SGPL1: variants seen among roughly 807,000 people sequenced by gnomAD.
The protein encoded by SGPL1 is SP-lyase 1.
SGPL1 carries 37 observed loss-of-function variants against 68.9 expected under a neutral mutation model. The ratio of observed to expected loss-of-function variants is 0.54; its 90% CI spans 0.41 to 0.71. The LOEUF (loss-of-function observed/expected upper bound fraction) is 0.71. Ranked by LOEUF, SGPL1 falls within the 30% of genes least tolerant of loss-of-function variation. The pLI, the probability that SGPL1 is intolerant of heterozygous loss-of-function variation, is 0.00. For missense variants in SGPL1, 551 were observed against 704.6 expected (o/e 0.78, Z 2.47); for synonymous variants, 236 against 248.5 (o/e 0.95, Z 0.47).
intron 7 of SGPL1, among the ~76,000 whole-genome samples, chr10:70,863,054 A>T (rs1400178885): frequency 6.6e-6 from 1 of 152,106 alleles, no homozygotes; most frequent in Non-Finnish European, 1.5e-5. Context: ...GTGCCATCTC[A>T]GCTCACTGCA....
At chr10:70,868,032 C>G (rs1352403036) in intron 7 of SGPL1, among the ~76,000 whole-genome samples, 3 of 152,208 alleles carry the variant, frequency 2.0e-5, no homozygotes, top group African/African-American at 7.2e-5. Flanking sequence ...AATGCCCTAT[C>G]TTATCTGAAA....
chr10:70,880,505 G>C lies in SGPL1; in HGVS notation c.*3170G>C, dbSNP rs1185821352. 2 of 152,042 alleles carry C rather than the reference G, an allele frequency of 1.3e-5. No homozygotes were observed. Among genetic ancestry groups the C allele is most frequent in the Non-Finnish European group, 2.9e-5 (2 of 68,012 alleles). 9.4% of individuals were successfully genotyped at this position (152,042 alleles called of 1,614,324 possible). A position where few individuals can be genotyped will look rare whatever the true frequency, so the allele number is the denominator to read the frequency against. ...TATCTGGGTGGTCTCTAGCCATCTG[G>C]GCAGTGTGGTTCTGTCTAACCAAAG... On this transcript the variant is annotated 3_prime_UTR_variant, in exon 15 of 15. Coordinates refer to ENST00000373202, the MANE Select transcript of SGPL1 (RefSeq NM_003901.4).
intron 4 of SGPL1, 86 bp downstream of exon 4, chr10:70,851,296 G>C (rs989144080): frequency 2.6e-6 from 3 of 1,167,288 alleles, no homozygotes; most frequent in African/African-American, 1.5e-5. Flanking sequence ...TATTCTCAAA[G>C]TGGAGGGGTG....
chr10:70,855,351 C>G (rs1845947524), intron 5 of SGPL1, among the ~76,000 whole-genome samples: 1 of 152,208 alleles, frequency 6.6e-6, no homozygotes, highest in African/African-American at 2.4e-5. Flanking sequence ...TAGTGTTTGT[C>G]TGTGTGTATA....
chr10:70,872,132 A>C (rs1441475368), intron 11 of SGPL1, 146 bp downstream of exon 11: 13 of 814,444 alleles, frequency 1.6e-5, no homozygotes, highest in Non-Finnish European at 2.1e-5. Flanking sequence ...TGCCGTCACC[A>C]GATCAGCTGG....
rs556194771 is a variant in SGPL1 at position 70,877,436 on chromosome 10, G to A, written c.*101G>A. On this transcript the variant is annotated 3_prime_UTR_variant, in exon 15 of 15. Transcript: ENST00000373202. The stretch of plus-strand genomic sequence containing the variant: ...CTTTGACATCTGGTCTTGCTCCATA[G>A]AGCACAACTCAAGATAGACCATGAG... 1.7e-6 allele frequency: 2 copies of A among 1,161,274 alleles called. No homozygotes were observed. The highest frequency in any genetic ancestry group is 3.0e-5 in the African/African-American group (2 of 66,020). 71.9% of individuals were successfully genotyped at this position (1,161,274 alleles called of 1,614,324 possible). A position where few individuals can be genotyped will look rare whatever the true frequency, so the allele number is the denominator to read the frequency against.
At chr10:70,851,251 A>G in intron 4 of SGPL1, 41 bp downstream of exon 4, 1 of 1,445,070 alleles carries the variant, frequency 6.9e-7, no homozygotes, top group Non-Finnish European at 9.7e-7. Flanking sequence ...CCCTCTTGAT[A>G]ATCATACCTC....
rs1314994636 is a variant in SGPL1, at chr10:70,815,979, G to A, written c.-191G>A. ...GGGAGGGGCGAGGCCGGCGGCTGCC[G>A]GGCCTCCAATCTCGGCGGCGGCGGC... On this transcript the variant is annotated 5_prime_UTR_variant, in exon 1 of 15. Transcript: ENST00000373202. 1 of 151,506 alleles carries A rather than the reference G, an allele frequency of 6.6e-6. No homozygotes were observed. The highest frequency in any genetic ancestry group is 2.0e-4 in the East Asian group (1 of 5,050). The allele number at this position is 151,506 out of a possible 1,614,324, so 9.4% of individuals were successfully genotyped here.
Position 70,877,446 on chromosome 10 carries a change from C to A in SGPL1, c.*111C>A. ...TGGTCTTGCTCCATAGAGCACAACT[C>A]AAGATAGACCATGAGACAGCTTGAG... On this transcript the variant is annotated 3_prime_UTR_variant, in exon 15 of 15. Transcript: ENST00000373202. 1.0e-6 allele frequency: 1 copy of A among 963,438 alleles called. No homozygotes were observed. The highest frequency in any genetic ancestry group is 1.7e-5 in the South Asian group (1 of 59,150). 59.7% of individuals were successfully genotyped at this position (963,438 alleles called of 1,614,324 possible).
At chr10:70,852,898 A>G (rs538691771) in intron 4 of SGPL1, among the ~76,000 whole-genome samples, 3 of 152,364 alleles carry the variant, frequency 2.0e-5, no homozygotes, top group African/African-American at 7.2e-5. Flanking sequence ...CAGAAAATAA[A>G]GAAGTAAACA....
chr10:70,819,832 G>A (rs961553623), intron 2 of SGPL1, among the ~76,000 whole-genome samples: 7 of 151,938 alleles, frequency 4.6e-5, no homozygotes, highest in African/African-American at 1.5e-4. Flanking sequence ...ATGGTAGTTT[G>A]CCATGTTACC....
chr10:70,833,238 A>G (rs940085673), intron 2 of SGPL1, among the ~76,000 whole-genome samples: 3 of 152,214 alleles, frequency 2.0e-5, no homozygotes, highest in African/African-American at 7.2e-5. Context: ...GGGGAATGGT[A>G]CCAAGTGTAC....
At position 70,866,952 on chromosome 10, in the gene SGPL1, C is replaced by CA. The variant is rs551837709; in HGVS notation, c.616-1393_616-1392insA. Among the ~76,000 whole-genome samples, 1,080 of 152,278 alleles carry CA rather than the reference C, an allele frequency of 7.1e-3. 20 individuals carry two copies. Among genetic ancestry groups the CA allele is most frequent in the African/African-American group, 0.025 (1,033 of 41,552 alleles). Reference sequence around the variant, plus strand: ...CAGTGGTCACTTTCTCTGATTCCATCTTGTATTAAGCTACACTAAATATGA... The same window carrying CA: ...CAGTGGTCACTTTCTCTGATTCCATCATTGTATTAAGCTACACTAAATATGA... On this transcript the variant is annotated intron_variant, in intron 7 of 14. Coordinates refer to ENST00000373202, the MANE Select transcript of SGPL1 (RefSeq NM_003901.4).
At chr10:70,861,784 C>T (rs1306553828) in intron 7 of SGPL1, among the ~76,000 whole-genome samples, 1 of 152,224 alleles carries the variant, frequency 6.6e-6, no homozygotes, top group African/African-American at 2.4e-5. Context: ...GCTTAGCACC[C>T]AGCCAGCAGC....
intron 2 of SGPL1, among the ~76,000 whole-genome samples, chr10:70,840,860 G>C (rs890369543): frequency 1.3e-5 from 2 of 152,076 alleles, no homozygotes; most frequent in Non-Finnish European, 2.9e-5. Context: ...GTTCTTTGCT[G>C]TCACCCTAAT....
rs781570346 is a variant in SGPL1 at position 70,868,389 on chromosome 10, A to G, written c.660A>G (p.Ala220=). The G allele has an allele frequency of 4.3e-6, 7 of 1,613,854 alleles. No homozygotes were observed. The African/African-American group carries it at 6.7e-5, about 15-fold the overall frequency. ...AAAGCATACTGATGGCCTGCAAAGC[A>G]TATCGGGATCTGGCCTTTGAGAAGG... is the stretch of plus-strand genomic sequence containing the variant. The part of the protein sequence containing the change: ...GTESILMACK[A]YRDLAFEKGI... Residue 220 remains alanine (A), a synonymous_variant, in exon 8 of 15, where the codon GCA becomes GCG. Coordinates refer to ENST00000373202, the MANE Select transcript of SGPL1 (RefSeq NM_003901.4).
intron 7 of SGPL1, among the ~76,000 whole-genome samples, chr10:70,862,679 CCGGA>C (rs1846095712): frequency 1.3e-5 from 2 of 151,956 alleles, no homozygotes; most frequent in African/African-American, 2.4e-5. Context: ...ACGAACAACT[CCGGA>C]CGCGCTGCCT....
intron 2 of SGPL1, among the ~76,000 whole-genome samples, chr10:70,832,393 G>A (rs1306399917): frequency 6.6e-6 from 1 of 152,158 alleles, no homozygotes; most frequent in Non-Finnish European, 1.5e-5. Context: ...ATAGCAGCAT[G>A]ACTGTTGTAG....
At chr10:70,849,061 T>C (rs1845836172) in intron 3 of SGPL1, among the ~76,000 whole-genome samples, 1 of 152,218 alleles carries the variant, frequency 6.6e-6, no homozygotes, top group African/African-American at 2.4e-5. Flanking sequence ...TGATGCTGTA[T>C]TCCGTTCTTT....
Sources: gnomAD v4.1 joint callset for allele counts (sites outside exome capture counted in the v4.1 genomes callset) on GRCh38, gnomAD v4.1.1 for gene constraint, MANE v1.5 for transcripts, NCBI Gene and HGNC (gene_info 2026-07-23, HGNC 2026-07-21) for gene names.